Variants in CTNNA2 observed in about 807,000 individuals in gnomAD.
CTNNA2 encodes catenin alpha 2.
A neutral mutation model predicts 101.0 loss-of-function variants in CTNNA2; 42 were observed. The ratio of observed to expected loss-of-function variants is 0.42; its 90% CI spans 0.32 to 0.54. The LOEUF (loss-of-function observed/expected upper bound fraction) is 0.54, where lower values mean the gene tolerates loss of function less well. Among genes scored for constraint, CTNNA2 ranks in the 20% least tolerant of loss-of-function variants. CTNNA2 has a pLI of 0.14. For missense variants in CTNNA2, 871 were observed against 1,223.1 expected, an observed-to-expected ratio of 0.71 and a Z score of 4.29; for synonymous variants, 450 against 456.4, an observed-to-expected ratio of 0.99 and a Z score of 0.18.
intron 7 of CTNNA2, chr2:80,028,433 C>G (rs1168025230): frequency 6.6e-6 from 1 of 152,144 alleles, no homozygotes; most frequent in African/African-American, 2.4e-5. Context: ...ACATGGAGAG[C>G]TTTTAGAGCA....
intron 7 of CTNNA2, among the ~76,000 whole-genome samples, chr2:80,115,753 C>T (rs1325431813): frequency 6.6e-6 from 1 of 151,948 alleles, no homozygotes; most frequent in Non-Finnish European, 1.5e-5. Context: ...CGTGGAAGGG[C>T]AAGGTTCTGG....
intron 7 of CTNNA2, among the ~76,000 whole-genome samples, chr2:80,077,984 T>C (rs1012798956): frequency 2.0e-5 from 3 of 152,200 alleles, no homozygotes; most frequent in Non-Finnish European, 4.4e-5. Flanking sequence ...ATATGAAATA[T>C]ATTAAAACAA....
intron 7 of CTNNA2, among the ~76,000 whole-genome samples, chr2:79,978,810 C>T (rs959623172): frequency 1.3e-5 from 2 of 152,092 alleles, no homozygotes; most frequent in African/African-American, 4.8e-5. Flanking sequence ...TCATAATCTT[C>T]CATTAACAAT....
intron 7 of CTNNA2, among the ~76,000 whole-genome samples, chr2:80,063,866 T>C (rs1697784814): frequency 6.6e-6 from 1 of 152,200 alleles, no homozygotes; most frequent in Non-Finnish European, 1.5e-5. Flanking sequence ...GAATTCACAC[T>C]CTACCCACCC....
chr2:80,043,120 TCC>T (rs1558755315), intron 7 of CTNNA2, among the ~76,000 whole-genome samples: 1,055 of 10,704 alleles, frequency 0.099, 19 homozygotes, highest in Non-Finnish European at 0.14. Flanking sequence ...TCTTTCTTTC[TCC>T]TTCCTTCCTT....
chr2:79,877,064 T>C (rs1050973244), intron 6 of CTNNA2, among the ~76,000 whole-genome samples: 5 of 151,574 alleles, frequency 3.3e-5, no homozygotes, highest in South Asian at 4.1e-4. Flanking sequence ...ATTAACTCAG[T>C]ATATTATATA....
At chr2:79,671,102 G>A (rs981781276) in intron 2 of CTNNA2, among the ~76,000 whole-genome samples, 14 of 152,240 alleles carry the variant, frequency 9.2e-5, no homozygotes, top group African/African-American at 2.9e-4. Context: ...ATGAGCACGT[G>A]AATGAGATTG....
intron 7 of CTNNA2, among the ~76,000 whole-genome samples, chr2:79,970,312 G>A (rs671802): frequency 0.83 from 126,221 of 152,136 alleles, 52,519 homozygotes; most frequent in East Asian, 1. Context: ...TACTCCACGG[G>A]TATGAGGCTG....
chr2:79,198,644 T>C (rs890843832), intron 2 of CTNNA2, among the ~76,000 whole-genome samples: 7 of 152,224 alleles, frequency 4.6e-5, no homozygotes, highest in Admixed American at 3.9e-4. Flanking sequence ...AATTCTACCA[T>C]ATAGCTCTTT....
intron 9 of CTNNA2, among the ~76,000 whole-genome samples, chr2:80,497,459 A>G (rs1687560278): frequency 6.6e-6 from 1 of 152,164 alleles, no homozygotes; most frequent in Admixed American, 6.5e-5. Flanking sequence ...ACTAAACACT[A>G]AACTCTTTGA....
At chr2:79,592,431 C>T (rs1450031773) in intron 1 of CTNNA2, among the ~76,000 whole-genome samples, 4 of 152,108 alleles carry the variant, frequency 2.6e-5, no homozygotes, top group Non-Finnish European at 5.9e-5. Flanking sequence ...CATGCCTGGC[C>T]GATTAATTAC....
intron 12 of CTNNA2, among the ~76,000 whole-genome samples, chr2:80,563,381 AG>A (rs1693776251): frequency 6.6e-6 from 1 of 152,206 alleles, no homozygotes; most frequent in South Asian, 2.1e-4. Flanking sequence ...CTCATTTGGA[AG>A]CACATGTGGT....
At chr2:80,167,850 G>C (rs1000093929) in intron 7 of CTNNA2, among the ~76,000 whole-genome samples, 1 of 152,094 alleles carries the variant, frequency 6.6e-6, no homozygotes, top group Non-Finnish European at 1.5e-5. Flanking sequence ...TAGCTAATAC[G>C]TGATTGTAAC....
At chr2:79,939,983 T>C (rs966874402) in intron 7 of CTNNA2, among the ~76,000 whole-genome samples, 3 of 152,078 alleles carry the variant, frequency 2.0e-5, no homozygotes, top group Non-Finnish European at 2.9e-5. Context: ...TCTCAGCTAC[T>C]TGGGAGGCTG....
At chr2:80,368,105 T>C (rs768750068) in intron 7 of CTNNA2, among the ~76,000 whole-genome samples, 1 of 152,174 alleles carries the variant, frequency 6.6e-6, no homozygotes, top group African/African-American at 2.4e-5. Flanking sequence ...TAGAATTTGA[T>C]TGAACCTCAG....
chr2:79,565,701 G>T (rs1675069520), intron 1 of CTNNA2, among the ~76,000 whole-genome samples: 1 of 152,094 alleles, frequency 6.6e-6, no homozygotes, highest in African/African-American at 2.4e-5. Context: ...AGTCATACAG[G>T]AGGAGAAATG....
intron 7 of CTNNA2, among the ~76,000 whole-genome samples, chr2:80,257,824 T>C (rs564906108): frequency 6.6e-6 from 1 of 152,206 alleles, no homozygotes; most frequent in East Asian, 1.9e-4. Flanking sequence ...GAGATGCTCA[T>C]AGGGAAGTCT....
At chr2:80,598,183 A>G (rs1697151854) in intron 15 of CTNNA2, among the ~76,000 whole-genome samples, 3 of 152,204 alleles carry the variant, frequency 2.0e-5, no homozygotes, top group Admixed American at 2.0e-4. Context: ...GGAAGCCATC[A>G]TTCTCAGCAA....
At chr2:80,413,494 C>T (rs1380235320) in intron 8 of CTNNA2, among the ~76,000 whole-genome samples, 1 of 152,186 alleles carries the variant, frequency 6.6e-6, no homozygotes, top group Non-Finnish European at 1.5e-5. Flanking sequence ...GCTACCTGCT[C>T]CCACCCCAAC....
Sources: allele counts gnomAD v4.1 joint callset (sites outside exome capture counted in the v4.1 genomes callset), GRCh38; gene constraint gnomAD v4.1.1; transcripts MANE v1.5; gene names NCBI Gene and HGNC (gene_info 2026-07-23, HGNC 2026-07-21).